Variants in BBLN observed in about 807,000 individuals in gnomAD.
BBLN encodes bublin coiled coil protein, also known as bublin coiled-coil protein.
BBLN carries 6 observed loss-of-function variants against 7.6 expected under a neutral mutation model. The observed-to-expected ratio is 0.79, with a 90% CI of 0.43 to 1.55. BBLN has a LOEUF of 1.55. BBLN is among the 40% of genes most tolerant of loss of function. The probability of loss-of-function intolerance (pLI) is 0.01; values close to 1 mark genes in which losing one functional copy is unlikely to be tolerated. For synonymous variants in BBLN, 35 were observed against 46.7 expected, an observed-to-expected ratio of 0.75 and a Z score of 1.02; for missense variants, 100 against 111.1, an observed-to-expected ratio of 0.90 and a Z score of 0.45.
At chr9:128,162,825 C>T (rs1829268843) in intron 1 of BBLN, 1 of 153,888 alleles carries the variant, frequency 6.5e-6, no homozygotes, top group Non-Finnish European at 1.5e-5. Flanking sequence ...TGGGTGGGCT[C>T]CCGGTGGTGA....
intron 1 of BBLN, among the ~76,000 whole-genome samples, chr9:128,161,198 A>T (rs73672435): frequency 0.029 from 4,400 of 152,136 alleles, 219 homozygotes; most frequent in African/African-American, 0.1. Context: ...TACACTGAGG[A>T]TTTAGTAAAT....
chr9:128,163,698 CCTT>C lies in BBLN; in HGVS notation c.*86_*88del, dbSNP rs1829278755. ...GGGCACTCACCCCCTGGCTTAGACACCTTCTCAAGGGCTGGCCTTCAGGGACCC... is the reference window on the plus strand; with the variant it reads ...GGGCACTCACCCCCTGGCTTAGACACCTCAAGGGCTGGCCTTCAGGGACCC... On this transcript the variant is annotated 3_prime_UTR_variant, in exon 2 of 2. Transcript: ENST00000372994. The surrounding 1 kb of genome is among the most constrained non-coding windows in gnomAD (Gnocchi z 5.7). 1.7e-6 allele frequency: 2 copies of C among 1,200,926 alleles called. No homozygotes were observed. Among genetic ancestry groups the C allele is most frequent in the African/African-American group, 3.1e-5 (2 of 63,750 alleles). The allele number at this position is 1,200,926 out of a possible 1,614,324, so 74.4% of individuals were successfully genotyped here. A position where few individuals can be genotyped will look rare whatever the true frequency, so the allele number is the denominator to read the frequency against.
At position 128,160,499 on chromosome 9, in the gene BBLN, G is replaced by A. The variant is rs1829243055; in HGVS notation, c.79+13G>A. On this transcript the variant is annotated intron_variant, in intron 1 of 1. Transcript: ENST00000372994. The stretch of plus-strand genomic sequence containing the variant: ...TTCGGGGAAGCAGGTGACCCGAGGG[G>A]GCTGCTGGAGCAACCTTGCATTTTC... 1 of 1,280,810 alleles carries A rather than the reference G, an allele frequency of 7.8e-7. No individual in the cohort carries two copies. The highest frequency in any genetic ancestry group is 2.7e-5 in the South Asian group (1 of 36,550). 79.3% of individuals were successfully genotyped at this position (1,280,810 alleles called of 1,614,324 possible). A position where few individuals can be genotyped will look rare whatever the true frequency, so the allele number is the denominator to read the frequency against.
chr9:128,160,474 T>G lies in BBLN; in HGVS notation c.67T>G (p.Phe23Val), dbSNP rs1829242597. Residue 23 changes from phenylalanine to valine, a missense_variant, in exon 1 of 2, where the codon TTC (phenylalanine) becomes GTC (valine). Phe to Val is a conservative substitution (Grantham distance 50). Coordinates refer to ENST00000372994, the MANE Select transcript of BBLN (RefSeq NM_024112.4). ...GGGAGCGGAAGGCGAGGAGGACGGC[T>G]TCGGGGAAGCAGGTGACCCGAGGGG... ...EAGAEGEEDG[F>V]GEAEYAAINS... 1 of 1,268,388 alleles carries G rather than the reference T, an allele frequency of 7.9e-7. No homozygotes were observed. The highest frequency in any genetic ancestry group is 1.0e-6 in the Non-Finnish European group (1 of 998,646). The allele number at this position is 1,268,388 out of a possible 1,614,324, so 78.6% of individuals were successfully genotyped here.
At chr9:128,160,890 C>T (rs1385682687) in intron 1 of BBLN, among the ~76,000 whole-genome samples, 1 of 152,208 alleles carries the variant, frequency 6.6e-6, no homozygotes, top group Non-Finnish European at 1.5e-5. Context: ...AGCCACCCGG[C>T]TTTGCTGGTG....
intron 1 of BBLN, among the ~76,000 whole-genome samples, chr9:128,161,785 C>T (rs1254005513): frequency 5.3e-5 from 8 of 152,018 alleles, no homozygotes; most frequent in Admixed American, 2.0e-4. Flanking sequence ...GGACTACAGA[C>T]GCCTGCCACC....
In BBLN at chr9:128,163,586, G is replaced by A. The variant is rs751585836; in HGVS notation, c.223G>A (p.Gly75Arg). The change falls in exon 2 of 2, where the codon GGG becomes AGG. Residue 75 changes from glycine (G) to arginine (R), a missense_variant. By Grantham distance (125) the Gly-to-Arg change is moderately radical (BLOSUM62 -2). Transcript: ENST00000372994. The surrounding 1 kb of genome is among the most constrained non-coding windows in gnomAD (Gnocchi z 5.7). The part of the protein sequence containing the change: ...QTRLEFQQQL[G>R]EAPSDASP Reference sequence around the variant, plus strand: ...ACGCCTGGAGTTCCAGCAGCAGCTCGGGGAGGCCCCCAGTGATGCCAGCCC... The same window carrying A: ...ACGCCTGGAGTTCCAGCAGCAGCTCAGGGAGGCCCCCAGTGATGCCAGCCC... The A allele has an allele frequency of 1.6e-5, 26 of 1,577,940 alleles. No homozygotes were observed. Among genetic ancestry groups the A allele is most frequent in the Middle Eastern group, 2.0e-4 (1 of 5,126 alleles).
intron 1 of BBLN, among the ~76,000 whole-genome samples, chr9:128,161,702 G>T (rs933600024): frequency 6.6e-6 from 1 of 151,488 alleles, no homozygotes; most frequent in African/African-American, 2.4e-5. Context: ...GTACAGTGGC[G>T]TGATCTTGGC....
At chr9:128,161,264 G>T (rs916084987) in intron 1 of BBLN, among the ~76,000 whole-genome samples, 2 of 40,408 alleles carry the variant, frequency 4.9e-5, no homozygotes, top group Admixed American at 8.3e-4. Flanking sequence ...GCTTTATTGA[G>T]CTATACAACT....
intron 1 of BBLN, chr9:128,162,987 A>C (rs1366214176): frequency 6.4e-6 from 1 of 156,582 alleles, no homozygotes; most frequent in African/African-American, 2.4e-5. Context: ...GGAAAGGAAG[A>C]GGCAGGGAGG....
chr9:128,163,682 C>T lies in BBLN; in HGVS notation c.*67C>T. The T allele has an allele frequency of 7.6e-7, 1 of 1,310,206 alleles. No homozygotes were observed. The highest frequency in any genetic ancestry group is 1.0e-6 in the Non-Finnish European group (1 of 989,900). 81.2% of individuals were successfully genotyped at this position (1,310,206 alleles called of 1,614,324 possible). On this transcript the variant is annotated 3_prime_UTR_variant, in exon 2 of 2. Coordinates refer to ENST00000372994, the MANE Select transcript of BBLN (RefSeq NM_024112.4). The surrounding 1 kb of genome is among the most constrained non-coding windows in gnomAD (Gnocchi z 5.7). Reference sequence around the variant, plus strand: ...GGCTAGGCTCTGGCCTGGGCACTCACCCCCTGGCTTAGACACCTTCTCAAG... The same window carrying T: ...GGCTAGGCTCTGGCCTGGGCACTCATCCCCTGGCTTAGACACCTTCTCAAG...
At position 128,163,842 on chromosome 9, in the gene BBLN, A is replaced by C; in HGVS notation, c.*227A>C. On this transcript the variant is annotated 3_prime_UTR_variant, in exon 2 of 2. Coordinates refer to ENST00000372994, the MANE Select transcript of BBLN (RefSeq NM_024112.4). The surrounding 1 kb of genome is among the most constrained non-coding windows in gnomAD (Gnocchi z 5.7). ...GGGGCCAAGAGTGGGCCTGCAACCCACCCACTTGCCTGCCCACCCAACTCC... is the reference window on the plus strand; with the variant it reads ...GGGGCCAAGAGTGGGCCTGCAACCCCCCCACTTGCCTGCCCACCCAACTCC... 2.1e-6 allele frequency: 1 copy of C among 471,438 alleles called. No homozygotes were observed. The highest frequency in any genetic ancestry group is 3.7e-6 in the Non-Finnish European group (1 of 266,938). The allele number at this position is 471,438 out of a possible 1,614,324, so 29.2% of individuals were successfully genotyped here. A position where few individuals can be genotyped will look rare whatever the true frequency, so the allele number is the denominator to read the frequency against.
chr9:128,160,338 G>C lies in BBLN; in HGVS notation c.-70G>C. On this transcript the variant is annotated 5_prime_UTR_variant, in exon 1 of 2. Transcript: ENST00000372994. Reference sequence around the variant, plus strand: ...TATCCGCCGCCTCCACCTTCCATCCGGCGCCGGCTTTCGGCGCGACGGTCG... The same window carrying C: ...TATCCGCCGCCTCCACCTTCCATCCCGCGCCGGCTTTCGGCGCGACGGTCG... The C allele has an allele frequency of 1.1e-6, 1 of 945,288 alleles. No individual in the cohort carries two copies. The highest frequency in any genetic ancestry group is 1.7e-5 in the African/African-American group (1 of 58,642). The allele number at this position is 945,288 out of a possible 1,614,324, so 58.6% of individuals were successfully genotyped here.
Position 128,160,478 on chromosome 9 carries a change from G to A in BBLN, c.71G>A (p.Gly24Glu), listed in dbSNP as rs1829242717. Residue 24 changes from glycine to glutamate, a missense_variant, in exon 1 of 2, where the codon GGG becomes GAG. Gly to Glu is a moderately conservative substitution (Grantham distance 98). Coordinates refer to ENST00000372994, the MANE Select transcript of BBLN (RefSeq NM_024112.4). ...GCGGAAGGCGAGGAGGACGGCTTCG[G>A]GGAAGCAGGTGACCCGAGGGGGCTG... Reference protein sequence around the residue: ...AGAEGEEDGFGEAEYAAINSM... With the variant: ...AGAEGEEDGFEEAEYAAINSM... 1 of 1,270,186 alleles carries A rather than the reference G, an allele frequency of 7.9e-7. No individual in the cohort carries two copies. Among genetic ancestry groups the A allele is most frequent in the Admixed American group, 4.2e-5 (1 of 24,076 alleles). The allele number at this position is 1,270,186 out of a possible 1,614,324, so 78.7% of individuals were successfully genotyped here. A position where few individuals can be genotyped will look rare whatever the true frequency, so the allele number is the denominator to read the frequency against.
chr9:128,162,278 A>T (rs899639284), intron 1 of BBLN: 2 of 152,196 alleles, frequency 1.3e-5, no homozygotes, highest in Non-Finnish European at 2.9e-5. Context: ...CCCATAACCC[A>T]GATACGCTCC....
intron 1 of BBLN, chr9:128,162,152 A>G (rs1829262510): frequency 6.6e-6 from 1 of 152,166 alleles, no homozygotes; most frequent in African/African-American, 2.4e-5. Flanking sequence ...CCCTAGCTAT[A>G]TACCATGAGG....
rs1829279436 is a variant in BBLN at position 128,163,775 on chromosome 9, TG to T, written c.*162del. On this transcript the variant is annotated 3_prime_UTR_variant, in exon 2 of 2. Coordinates refer to ENST00000372994, the MANE Select transcript of BBLN (RefSeq NM_024112.4). This position sits in a 1 kb window ranked among gnomAD's most constrained non-coding sequence, Gnocchi z 5.7. ...CACCCTTCCTGCCTGGGCCTCCCCT[TG>T]GCCTACCTGGGCCAGCCCCCACCAC... is the stretch of plus-strand genomic sequence containing the variant. 2 of 628,406 alleles carry T rather than the reference TG, an allele frequency of 3.2e-6. No individual in the cohort carries two copies. The highest frequency in any genetic ancestry group is 3.8e-5 in the African/African-American group (2 of 53,270). The allele number at this position is 628,406 out of a possible 1,614,324, so 38.9% of individuals were successfully genotyped here. A position where few individuals can be genotyped will look rare whatever the true frequency, so the allele number is the denominator to read the frequency against.
rs902190390 is a variant in BBLN, at chr9:128,160,382, C to G, written c.-26C>G. 11 of 1,237,326 alleles carry G rather than the reference C, an allele frequency of 8.9e-6. No individual in the cohort carries two copies. In the Admixed American group the frequency reaches 2.5e-4, roughly 28 times the overall value. The allele number at this position is 1,237,326 out of a possible 1,614,324, so 76.6% of individuals were successfully genotyped here. On this transcript the variant is annotated 5_prime_UTR_variant, in exon 1 of 2. Coordinates refer to ENST00000372994, the MANE Select transcript of BBLN (RefSeq NM_024112.4). ...ACGGTCGCCGCGTTCCATCGTCGCG[C>G]GGCCCTTCGGGCGCCCGAGCCCGCA... is the stretch of plus-strand genomic sequence containing the variant.
intron 1 of BBLN, among the ~76,000 whole-genome samples, chr9:128,161,047 G>A (rs1351212369): frequency 1.5e-5 from 2 of 136,564 alleles, no homozygotes; most frequent in Non-Finnish European, 3.0e-5. Flanking sequence ...TAGGAATAAC[G>A]ATTAGTGTCT....
Sources: allele counts gnomAD v4.1 joint callset (sites outside exome capture counted in the v4.1 genomes callset), GRCh38; gene constraint gnomAD v4.1.1; non-coding constraint Gnocchi (gnomAD v3.1); transcripts MANE v1.5; gene names NCBI Gene and HGNC (gene_info 2026-07-23, HGNC 2026-07-21).